PCNX2: variants seen among roughly 807,000 people sequenced by gnomAD.
PCNX2 encodes pecanex-like protein 2.
PCNX2 carries 168 observed loss-of-function variants against 223.8 expected under a neutral mutation model. That is an observed-to-expected ratio of 0.75 (90% CI 0.66 to 0.85). PCNX2 has a LOEUF of 0.85. Among genes scored for constraint, PCNX2 ranks in the 40% least tolerant of loss-of-function variants. The pLI, the probability that PCNX2 is intolerant of heterozygous loss-of-function variation, is 0.00. For synonymous variants in PCNX2, 1,006 were observed against 1,052.6 expected (o/e 0.96, Z 0.86); for missense variants, 2,507 against 2,675.5 (o/e 0.94, Z 1.39).
chr1:233,017,814 A>G (rs1413743387), intron 26 of PCNX2, among the ~76,000 whole-genome samples: 1 of 152,168 alleles, frequency 6.6e-6, no homozygotes, highest in African/African-American at 2.4e-5. Flanking sequence ...AATGTAATGG[A>G]ACATAATTTG....
intron 23 of PCNX2, chr1:233,058,599 C>T (rs1289704666): frequency 1.3e-5 from 2 of 151,876 alleles, no homozygotes; most frequent in African/African-American, 4.8e-5. Flanking sequence ...GAAGGTCCCA[C>T]TGACAATTGT....
the PCNX2 span, among the ~76,000 whole-genome samples, chr1:233,314,755 G>GATATTCTT: frequency 6.6e-6 from 1 of 151,188 alleles, no homozygotes; most frequent in Non-Finnish European, 1.5e-5. Context: ...AAAAAAAAAA[G>GATATTCTT]ATATTCTTAC....
At chr1:233,185,058 A>G (rs78869949) in intron 15 of PCNX2, among the ~76,000 whole-genome samples, 2,885 of 148,684 alleles carry the variant, frequency 0.019, 99 homozygotes, top group African/African-American at 0.067. Context: ...TCACTTTTTC[A>G]ACTAATGCAG....
intron 21 of PCNX2, among the ~76,000 whole-genome samples, chr1:233,099,958 G>A (rs1259225004): frequency 1.3e-5 from 2 of 152,124 alleles, no homozygotes; most frequent in African/African-American, 4.8e-5. Context: ...TGAGGTCTTT[G>A]TTTTTATGAA....
intron 1 of PCNX2, chr1:233,289,133 A>C (rs1661613828): frequency 3.4e-6 from 3 of 883,938 alleles, no homozygotes. Context: ...AGCTTTTCCA[A>C]GTTGGCTTAG....
At chr1:233,099,593 T>C (rs1310005911) in intron 21 of PCNX2, among the ~76,000 whole-genome samples, 2 of 152,230 alleles carry the variant, frequency 1.3e-5, no homozygotes, top group African/African-American at 4.8e-5. Context: ...AGAGACATGA[T>C]CCAGGTTTAA....
chr1:233,324,380 A>G, the PCNX2 span, among the ~76,000 whole-genome samples: 3 of 152,188 alleles, frequency 2.0e-5, no homozygotes, highest in Admixed American at 2.0e-4. Context: ...TAGGACTTTC[A>G]TAACTAGAGA....
chr1:233,057,362 C>T, intron 23 of PCNX2, 72 bp from the exon 24 acceptor site: 1 of 1,212,714 alleles, frequency 8.2e-7, no homozygotes. Context: ...TTTATAGAAC[C>T]AGCTGCATGA....
Position 233,000,454 on chromosome 1 carries a change from T to C in PCNX2, c.5179A>G (p.Ile1727Val). 2 of 1,597,868 alleles carry C rather than the reference T, an allele frequency of 1.3e-6. No individual in the cohort carries two copies. The highest frequency in any genetic ancestry group is 1.7e-6 in the Non-Finnish European group (2 of 1,170,900). ...AIQSFEKKVVICHEGDPAWRG... is the reference protein window; with the variant it reads ...AIQSFEKKVVVCHEGDPAWRG... The stretch of plus-strand genomic sequence containing the variant: ...CAGGCCGGGTCGCCCTCGTGGCAGA[T>C]GACCACCTTCTTCTCGAAGGACTGG... Residue 1727 changes from isoleucine (I) to valine (V), a missense_variant, in exon 30 of 34, where the codon ATC (isoleucine) becomes GTC (valine). This residue lies in a region of PCNX2 where 1,372 missense variants were observed against 1,509.4 expected (regional missense o/e 0.91). Coordinates refer to ENST00000258229, the MANE Select transcript of PCNX2 (RefSeq NM_014801.4). This position sits in a 1 kb window ranked among gnomAD's most constrained non-coding sequence, Gnocchi z 4.6.
intron 22 of PCNX2, among the ~76,000 whole-genome samples, chr1:233,094,102 T>C (rs1005112): frequency 0.62 from 94,285 of 152,004 alleles, 30,853 homozygotes; most frequent in African/African-American, 0.82. Flanking sequence ...TAATATTGAA[T>C]TCACCTAACA....
In PCNX2 at chr1:232,991,374, G is replaced by C. The variant is rs1175214705; in HGVS notation, c.5792-4834C>G. Among the ~76,000 whole-genome samples, 1 of 152,122 alleles carries C rather than the reference G, an allele frequency of 6.6e-6. No individual in the cohort carries two copies. Among genetic ancestry groups the C allele is most frequent in the African/African-American group, 2.4e-5 (1 of 41,404 alleles). On this transcript the variant is annotated intron_variant, in intron 32 of 33. Coordinates refer to ENST00000258229, the MANE Select transcript of PCNX2 (RefSeq NM_014801.4). This position sits in a 1 kb window ranked among gnomAD's most constrained non-coding sequence, Gnocchi z 4.3. ...GCTGGGGATGTGGGCTCATAAGAGA[G>C]GGCTGAGAGAAGGGAGAGAAGGCGT...
intron 12 of PCNX2, among the ~76,000 whole-genome samples, chr1:233,213,542 G>C (rs1681940493): frequency 6.6e-6 from 1 of 152,092 alleles, no homozygotes; most frequent in African/African-American, 2.4e-5. Flanking sequence ...TTTTTCTGTA[G>C]ATTTAAAACT....
At chr1:233,183,235 C>G (rs1179395557) in intron 15 of PCNX2, among the ~76,000 whole-genome samples, 1 of 152,102 alleles carries the variant, frequency 6.6e-6, no homozygotes, top group Non-Finnish European at 1.5e-5. Context: ...CTATGTGTGC[C>G]CATCCCCCAT....
intron 10 of PCNX2, 61 bp downstream of exon 10, chr1:233,227,165 T>G: frequency 1.3e-6 from 2 of 1,496,660 alleles, no homozygotes; most frequent in Non-Finnish European, 1.8e-6. Flanking sequence ...AAGCATGCAG[T>G]GGGCACTGTC....
chr1:233,208,477 C>A (rs1681616914), intron 13 of PCNX2, 41 bp downstream of exon 13: 1 of 1,567,176 alleles, frequency 6.4e-7, no homozygotes, highest in Admixed American at 1.7e-5. Flanking sequence ...GACATACCCC[C>A]AACCCCCATA....
intron 23 of PCNX2, among the ~76,000 whole-genome samples, chr1:233,061,887 T>C (rs1442664189): frequency 6.6e-6 from 1 of 151,966 alleles, no homozygotes. Context: ...GCCTCCCGAG[T>C]AGCTGGGATC....
intron 17 of PCNX2, among the ~76,000 whole-genome samples, chr1:233,167,232 C>T (rs1037356162): frequency 3.9e-5 from 6 of 152,098 alleles, no homozygotes; most frequent in Non-Finnish European, 7.4e-5. Flanking sequence ...AGACATCCTG[C>T]CATTTGCCAC....
At chr1:233,227,970 A>C (rs1657845270) in intron 9 of PCNX2, among the ~76,000 whole-genome samples, 1 of 152,020 alleles carries the variant, frequency 6.6e-6, no homozygotes, top group South Asian at 2.1e-4. Flanking sequence ...AGTGGAAAAG[A>C]ATTCAATTTT....
intron 21 of PCNX2, among the ~76,000 whole-genome samples, chr1:233,096,999 T>C (rs1456542790): frequency 6.6e-6 from 1 of 152,224 alleles, no homozygotes; most frequent in Admixed American, 6.5e-5. Flanking sequence ...CTCACTTTTC[T>C]GGTCTCTACT....
Sources: gnomAD v4.1 joint callset for allele counts (sites outside exome capture counted in the v4.1 genomes callset) on GRCh38, gnomAD v4.1.1 for gene constraint, gnomAD v4.1.1 regional missense constraint, Gnocchi (gnomAD v3.1) non-coding constraint, MANE v1.5 for transcripts, NCBI Gene and HGNC (gene_info 2026-07-23, HGNC 2026-07-21) for gene names.